The following RAB6B variants were observed in gnomAD, a reference collection of about 807,000 sequenced individuals.
RAB6B encodes the protein RAB6B, member RAS oncogene family, also known as ras-related protein Rab-6B.
Under a neutral mutation model 31.2 loss-of-function variants are expected in RAB6B, and 7 were observed. The ratio of observed to expected loss-of-function variants is 0.22; its 90% CI spans 0.13 to 0.42. RAB6B has a LOEUF of 0.42. Among genes scored for constraint, RAB6B ranks in the 10% least tolerant of loss-of-function variants. The pLI, the probability that RAB6B is intolerant of heterozygous loss-of-function variation, is 1.00. For missense variants in RAB6B, 149 were observed against 280.6 expected (o/e 0.53, Z 3.35); for synonymous variants, 105 against 104.9 (o/e 1.00, Z -0.01).
At chr3:133,876,694 C>CA (rs1936401863) in intron 1 of RAB6B, among the ~76,000 whole-genome samples, 1 of 152,076 alleles carries the variant, frequency 6.6e-6, no homozygotes, top group African/African-American at 2.4e-5. Context: ...TATCAATTGC[C>CA]AATATTGAGC....
rs536822006 is a variant in RAB6B at position 133,828,044 on chromosome 3, T to C, written c.*744A>G. On this transcript the variant is annotated 3_prime_UTR_variant, in exon 8 of 8. Coordinates refer to ENST00000285208, the MANE Select transcript of RAB6B (RefSeq NM_016577.4). ...CCCTGAGGGCACAGAGAACACAAGG[T>C]TGCCTGTACCCTCAACCCCCTTCAA... is the stretch of plus-strand genomic sequence containing the variant. The C allele has an allele frequency of 8.4e-5, 59 of 699,776 alleles. 1 individual carries two copies. The African/African-American group carries it at 9.8e-4, about 12-fold the overall frequency. The allele number at this position is 699,776 out of a possible 1,614,324, so 43.3% of individuals were successfully genotyped here. A position where few individuals can be genotyped will look rare whatever the true frequency, so the allele number is the denominator to read the frequency against.
chr3:133,884,312 G>C (rs1394421098), intron 1 of RAB6B, among the ~76,000 whole-genome samples: 2 of 152,210 alleles, frequency 1.3e-5, no homozygotes. Flanking sequence ...CCGTGAGCAG[G>C]GGGGTGCACC....
intron 1 of RAB6B, among the ~76,000 whole-genome samples, chr3:133,880,476 G>C (rs1936451178): frequency 6.6e-6 from 1 of 152,226 alleles, no homozygotes; most frequent in African/African-American, 2.4e-5. Context: ...AGCTTGCTCA[G>C]GCAAGTGGAA....
Position 133,844,378 on chromosome 3 carries a change from T to C in RAB6B, c.130-2715A>G, listed in dbSNP as rs569654644. On this transcript the variant is annotated intron_variant, in intron 2 of 7. Transcript: ENST00000285208. ...AACCTCTGGTCCCTTAACTGTCCAC[T>C]CTCTCAGACCTGTTCTAGCCACACT... is the stretch of plus-strand genomic sequence containing the variant. 2.0e-5 allele frequency among the ~76,000 whole-genome samples: 3 copies of C among 152,222 alleles called. No homozygotes were observed. In the South Asian group the frequency reaches 6.2e-4, roughly 32 times the overall value.
At chr3:133,872,487 A>G (rs1481633365) in intron 1 of RAB6B, among the ~76,000 whole-genome samples, 1 of 152,208 alleles carries the variant, frequency 6.6e-6, no homozygotes, top group Non-Finnish European at 1.5e-5. Flanking sequence ...CAAGTGAAAC[A>G]GTTAGAGACA....
rs555524928 is a variant in RAB6B at position 133,856,743 on chromosome 3, T to TCAAAAGTC, written c.129+7833_129+7840dup. Among the ~76,000 whole-genome samples the TCAAAAGTC allele has an allele frequency of 2.0e-4, 30 of 152,266 alleles. No homozygotes were observed. The East Asian group carries it at 5.8e-3, about 29-fold the overall frequency. On this transcript the variant is annotated intron_variant, in intron 2 of 7. Transcript: ENST00000285208. Reference sequence around the variant, plus strand: ...ACCATAAGTAAGTTCTTAGATGCCCTCAAAAGTCCAACGCCTGGAGTATCT... The same window carrying TCAAAAGTC: ...ACCATAAGTAAGTTCTTAGATGCCCTCAAAAGTCCAAAAGTCCAACGCCTGGAGTATCT...
intron 2 of RAB6B, among the ~76,000 whole-genome samples, chr3:133,853,820 C>T (rs994764845): frequency 7.2e-5 from 11 of 152,284 alleles, no homozygotes; most frequent in African/African-American, 2.6e-4. Context: ...GAAGATAATG[C>T]ATACTCTGTG....
chr3:133,860,044 A>G lies in RAB6B; in HGVS notation c.129+4540T>C, dbSNP rs1207227348. On this transcript the variant is annotated intron_variant, in intron 2 of 7. Transcript: ENST00000285208. ...AGGGCCGGAGGGGCTCGGAGCCTGC[A>G]GGGGCTATGCTGGGGGGTGCGGAGG... Among the ~76,000 whole-genome samples the G allele has an allele frequency of 2.6e-5, 4 of 152,092 alleles. No homozygotes were observed. In the East Asian group the frequency reaches 7.7e-4, roughly 29 times the overall value.
At chr3:133,842,644 A>C (rs932543245) in intron 2 of RAB6B, among the ~76,000 whole-genome samples, 8 of 152,224 alleles carry the variant, frequency 5.3e-5, no homozygotes, top group Admixed American at 1.3e-4. Context: ...ATAAACAAAA[A>C]ACAGGTTATA....
At chr3:133,848,124 CA>C (rs934245951) in intron 2 of RAB6B, among the ~76,000 whole-genome samples, 1 of 152,152 alleles carries the variant, frequency 6.6e-6, no homozygotes, top group African/African-American at 2.4e-5. Flanking sequence ...TAGTATATTC[CA>C]AAAAGAGCCT....
intron 2 of RAB6B, among the ~76,000 whole-genome samples, chr3:133,853,531 G>A (rs1005955394): frequency 2.6e-5 from 4 of 151,748 alleles, no homozygotes; most frequent in Non-Finnish European, 4.4e-5. Flanking sequence ...CCCCACAGGA[G>A]CTACCATGCA....
chr3:133,838,176 T>A lies in RAB6B; in HGVS notation c.485A>T (p.Asn162Ile). The A allele has an allele frequency of 6.2e-7, 1 of 1,614,060 alleles. No homozygotes were observed. Among genetic ancestry groups the A allele is most frequent in the South Asian group, 1.1e-5 (1 of 91,076 alleles). The change falls in exon 6 of 8, where the codon AAC (asparagine) becomes ATC (isoleucine). Residue 162 changes from asparagine to isoleucine, a missense_variant. Physicochemically the swap from Asn to Ile is moderately radical, Grantham distance 149 (BLOSUM62 -3). Transcript: ENST00000285208. ...FIETSAKTGY[N>I]VKQLFRRVAS... is the part of the protein sequence containing the mutation. Reference sequence around the variant, plus strand: ...CAGGTGTGTCCTCACCTGCTTCACGTTGTAGCCAGTCTTCGCACTGGTCTC... The same window carrying A: ...CAGGTGTGTCCTCACCTGCTTCACGATGTAGCCAGTCTTCGCACTGGTCTC...
At chr3:133,850,778 C>T (rs1935973098) in intron 2 of RAB6B, among the ~76,000 whole-genome samples, 1 of 151,934 alleles carries the variant, frequency 6.6e-6, no homozygotes, top group Admixed American at 6.6e-5. Context: ...AAATGAGACA[C>T]ATTTACAGAT....
At chr3:133,879,616 C>T (rs1458931043) in intron 1 of RAB6B, among the ~76,000 whole-genome samples, 1 of 152,218 alleles carries the variant, frequency 6.6e-6, no homozygotes, top group Non-Finnish European at 1.5e-5. Context: ...TTTAGTTCCC[C>T]AGTGTCTTAG....
At chr3:133,849,949 CACAA>C (rs960299985) in intron 2 of RAB6B, among the ~76,000 whole-genome samples, 3 of 152,136 alleles carry the variant, frequency 2.0e-5, no homozygotes, top group Admixed American at 6.5e-5. Context: ...TCAAATAAGG[CACAA>C]ACAGTCTTAC....
rs189579370 is a variant in RAB6B, at chr3:133,863,042, C to T, written c.129+1542G>A. Among the ~76,000 whole-genome samples, 14 of 152,332 alleles carry T rather than the reference C, an allele frequency of 9.2e-5. No homozygotes were observed. The East Asian group carries it at 2.3e-3, about 25-fold the overall frequency. On this transcript the variant is annotated intron_variant, in intron 2 of 7. Coordinates refer to ENST00000285208, the MANE Select transcript of RAB6B (RefSeq NM_016577.4). ...GAATTCAAACCGATCCAGTAGAACT[C>T]CCCTCATTAGGAGGACAGGCTTGGT...
At chr3:133,855,042 C>CT (rs1219385399) in intron 2 of RAB6B, among the ~76,000 whole-genome samples, 1 of 152,246 alleles carries the variant, frequency 6.6e-6, no homozygotes, top group Non-Finnish European at 1.5e-5. Context: ...GGGCCCAGGG[C>CT]TGGGGAAGCA....
chr3:133,836,929 C>T (rs1935744929), intron 6 of RAB6B, among the ~76,000 whole-genome samples: 1 of 152,214 alleles, frequency 6.6e-6, no homozygotes, highest in Non-Finnish European at 1.5e-5. Context: ...TCCCCACTGC[C>T]ACCAGCACTG....
intron 1 of RAB6B, among the ~76,000 whole-genome samples, chr3:133,877,090 C>G (rs1936407564): frequency 6.6e-6 from 1 of 152,184 alleles, no homozygotes; most frequent in African/African-American, 2.4e-5. Context: ...CCACAGATTA[C>G]TGCCCTCAGA....
Sources: gnomAD v4.1 joint callset for allele counts (sites outside exome capture counted in the v4.1 genomes callset) on GRCh38, gnomAD v4.1.1 for gene constraint, MANE v1.5 for transcripts, NCBI Gene and HGNC (gene_info 2026-07-23, HGNC 2026-07-21) for gene names.